Variants in CECR2 observed in about 807,000 individuals in gnomAD.
CECR2 encodes CECR2 histone acetyl-lysine reader, also known as chromatin remodeling regulator CECR2.
A neutral mutation model predicts 154.5 loss-of-function variants in CECR2; 30 were observed. The ratio of observed to expected loss-of-function variants is 0.19; its 90% CI spans 0.15 to 0.26. The LOEUF (loss-of-function observed/expected upper bound fraction) is 0.26. CECR2 is among the 10% of genes least tolerant of loss of function. The probability of loss-of-function intolerance (pLI) is 1.00; values close to 1 mark genes in which losing one functional copy is unlikely to be tolerated. For synonymous variants in CECR2, 725 were observed against 683.7 expected (o/e 1.06, Z -0.94); for missense variants, 1,743 against 1,829.3 (o/e 0.95, Z 0.86).
chr22:17,527,241 T>A (rs986131251), intron 9 of CECR2, among the ~76,000 whole-genome samples: 8 of 152,230 alleles, frequency 5.3e-5, no homozygotes, highest in Admixed American at 4.6e-4. Flanking sequence ...GCAGATTGTT[T>A]TAGCACAGGA....
At chr22:17,506,233 A>G (rs555538315) in intron 7 of CECR2, among the ~76,000 whole-genome samples, 18 of 152,172 alleles carry the variant, frequency 1.2e-4, no homozygotes, top group Admixed American at 9.2e-4. Flanking sequence ...TCAATCTCCC[A>G]GGCCGAAGTG....
chr22:17,499,525 C>G lies in CECR2; in HGVS notation c.521C>G (p.Ser174Cys), dbSNP rs1386085964. 6.2e-7 allele frequency: 1 copy of G among 1,612,000 alleles called. No individual in the cohort carries two copies. The highest frequency in any genetic ancestry group is 1.7e-5 in the Admixed American group (1 of 59,622). Residue 174 changes from serine to cysteine, a missense_variant, in exon 4 of 19, where the codon TCC becomes TGC. Physicochemically the swap from Ser to Cys is moderately radical, Grantham distance 112. Transcript: ENST00000262608. The part of the protein sequence containing the change: ...MYKEDPVQGK[S>C]NGELSLSRES... ...AAAGAGGACCCGGTGCAAGGAAAAT[C>G]CAATGGAGAACTCTCTTTGAGCAGG...
chr22:17,463,023 GA>G (rs576027516), intron 1 of CECR2, among the ~76,000 whole-genome samples: 68 of 152,334 alleles, frequency 4.5e-4, no homozygotes, highest in African/African-American at 1.6e-3. Context: ...GTGGAAGACA[GA>G]AAATAAATGC....
At chr22:17,391,284 G>T (rs1368305076) in intron 1 of CECR2, among the ~76,000 whole-genome samples, 1 of 152,232 alleles carries the variant, frequency 6.6e-6, no homozygotes, top group Admixed American at 6.5e-5. Context: ...TTTACACACT[G>T]GTTGGTTGGT....
At chr22:17,503,159 G>T (rs1361172798) in intron 6 of CECR2, 28 bp downstream of exon 6, 2 of 1,591,916 alleles carry the variant, frequency 1.3e-6, no homozygotes, top group South Asian at 1.1e-5. Flanking sequence ...CATTTAGAAA[G>T]AATTAAATAA....
chr22:17,437,380 G>A (rs1440294236), intron 1 of CECR2, among the ~76,000 whole-genome samples: 3 of 152,080 alleles, frequency 2.0e-5, no homozygotes, highest in East Asian at 1.9e-4. Context: ...GGCCAGCTTA[G>A]TCTCCAGCCA....
chr22:17,492,794 T>C (rs1186022582), intron 2 of CECR2, among the ~76,000 whole-genome samples: 1 of 152,158 alleles, frequency 6.6e-6, no homozygotes, highest in East Asian at 1.9e-4. Context: ...TCAAGATAAT[T>C]TCAGAATGAT....
At chr22:17,524,323 G>A (rs767550931) in intron 9 of CECR2, 52 bp downstream of exon 9, 18 of 1,588,430 alleles carry the variant, frequency 1.1e-5, no homozygotes, top group Middle Eastern at 2.1e-4. Context: ...TCGACCAGCC[G>A]TCCTGTAGCC....
At chr22:17,368,649 C>T (rs1339041989), upstream of CECR2, among the ~76,000 whole-genome samples, 1 of 152,138 alleles carries the variant, frequency 6.6e-6, no homozygotes, top group Admixed American at 6.5e-5. Flanking sequence ...CCCGGCTTCC[C>T]GATCTCCTCT....
At chr22:17,536,243 C>T (rs760733351) in intron 9 of CECR2, among the ~76,000 whole-genome samples, 1 of 152,076 alleles carries the variant, frequency 6.6e-6, no homozygotes, top group African/African-American at 2.4e-5. Flanking sequence ...AGCAAAACTC[C>T]GTCTCAAAAA....
intron 1 of CECR2, among the ~76,000 whole-genome samples, chr22:17,450,021 C>T (rs959930863): frequency 2.6e-5 from 4 of 152,144 alleles, no homozygotes; most frequent in Admixed American, 2.6e-4. Context: ...AATGAGTAAA[C>T]TGATGGTATC....
chr22:17,530,784 G>A (rs1255038704), intron 9 of CECR2, among the ~76,000 whole-genome samples: 1 of 152,150 alleles, frequency 6.6e-6, no homozygotes, highest in Non-Finnish European at 1.5e-5. Flanking sequence ...AGAATGGGGT[G>A]TTATTCAGCC....
At chr22:17,495,861 C>CAAAAAAA (rs10558473) in intron 2 of CECR2, among the ~76,000 whole-genome samples, 4 of 67,210 alleles carry the variant, frequency 6.0e-5, no homozygotes, top group Non-Finnish European at 7.9e-5. Context: ...GACTCTGTCT[C>CAAAAAAA]AAAAAAAAAA....
intron 1 of CECR2, among the ~76,000 whole-genome samples, chr22:17,456,531 T>A (rs1323827546): frequency 3.3e-5 from 5 of 152,234 alleles, no homozygotes; most frequent in Non-Finnish European, 4.4e-5. Flanking sequence ...CAGTAGTAAC[T>A]GTTTATTCCA....
chr22:17,393,814 C>A, intron 1 of CECR2, among the ~76,000 whole-genome samples: 1 of 151,870 alleles, frequency 6.6e-6, no homozygotes, highest in Admixed American at 6.6e-5. Context: ...AATGTCTGTT[C>A]ACATCCTTTG....
chr22:17,556,969 C>T lies in CECR2; in HGVS notation c.*4129C>T, dbSNP rs1386551451. On this transcript the variant is annotated 3_prime_UTR_variant, in exon 19 of 19. Coordinates refer to ENST00000262608, the MANE Select transcript of CECR2 (RefSeq NM_001290047.2). Reference sequence around the variant, plus strand: ...GAGGCTTTTATTCGTGGACTCACATCACTGCATAGCACAAAGAATGTGATT... The same window carrying T: ...GAGGCTTTTATTCGTGGACTCACATTACTGCATAGCACAAAGAATGTGATT... 2.4e-5 allele frequency: 1 copy of T among 41,836 alleles called. No individual in the cohort carries two copies. Among genetic ancestry groups the T allele is most frequent in the Non-Finnish European group, 5.9e-5 (1 of 16,908 alleles). The allele number at this position is 41,836 out of a possible 1,614,324, so 2.6% of individuals were successfully genotyped here. A position where few individuals can be genotyped will look rare whatever the true frequency, so the allele number is the denominator to read the frequency against.
intron 1 of CECR2, among the ~76,000 whole-genome samples, chr22:17,433,672 T>C (rs12157392): frequency 0.28 from 42,106 of 151,972 alleles, 8,873 homozygotes; most frequent in African/African-American, 0.58. Flanking sequence ...GTCTTGAACT[T>C]TGGAACTCAA....
chr22:17,435,461 T>G (rs980636040), intron 1 of CECR2, among the ~76,000 whole-genome samples: 1 of 152,116 alleles, frequency 6.6e-6, no homozygotes, highest in African/African-American at 2.4e-5. Context: ...CTTTTGTGAA[T>G]TGCTGATTAG....
chr22:17,550,759 G>C (rs577661354), intron 17 of CECR2, among the ~76,000 whole-genome samples: 1 of 152,244 alleles, frequency 6.6e-6, no homozygotes, highest in South Asian at 2.1e-4. Flanking sequence ...TGGCTAACAC[G>C]GTGAAACCCC....
Sources: gnomAD v4.1 joint callset for allele counts (sites outside exome capture counted in the v4.1 genomes callset) on GRCh38, gnomAD v4.1.1 for gene constraint, MANE v1.5 for transcripts, NCBI Gene and HGNC (gene_info 2026-07-23, HGNC 2026-07-21) for gene names.